UBQLN1: variants seen among roughly 807,000 people sequenced by gnomAD.
UBQLN1 encodes ubiquilin-1.
Under a neutral mutation model 65.4 loss-of-function variants are expected in UBQLN1, and 13 were observed. The observed-to-expected ratio is 0.20, with a 90% CI of 0.13 to 0.32. The LOEUF is 0.32. UBQLN1 is among the 10% of genes least tolerant of loss of function. UBQLN1 has a pLI of 1.00. For synonymous variants in UBQLN1, 267 were observed against 247.8 expected (o/e 1.08, Z -0.73); for missense variants, 561 against 724.0 (o/e 0.77, Z 2.58).
intron 1 of UBQLN1, among the ~76,000 whole-genome samples, chr9:83,697,200 G>T (rs1232865093): frequency 4.6e-5 from 7 of 150,550 alleles, no homozygotes; most frequent in Non-Finnish European, 1.0e-4. Flanking sequence ...CTTAATATGT[G>T]TATGAATTTG....
intron 1 of UBQLN1, among the ~76,000 whole-genome samples, chr9:83,702,748 G>T (rs1832332519): frequency 6.6e-6 from 1 of 151,528 alleles, no homozygotes; most frequent in Non-Finnish European, 1.5e-5. Flanking sequence ...GTATCAAAGT[G>T]GACAGTATAG....
intron 8 of UBQLN1, 84 bp from the exon 9 acceptor site, chr9:83,665,229 T>C (rs542666526): frequency 1.8e-5 from 19 of 1,047,538 alleles, no homozygotes; most frequent in East Asian, 5.1e-5. Context: ...GTTATGCTTC[T>C]GGAGAAAATC....
chr9:83,673,148 T>C (rs1177796878), intron 6 of UBQLN1, among the ~76,000 whole-genome samples: 8 of 152,078 alleles, frequency 5.3e-5, no homozygotes, highest in Admixed American at 5.2e-4. Context: ...GAGAATCGTT[T>C]GAACCCAGGA....
rs147421462 is a variant in UBQLN1 at position 83,691,031 on chromosome 9, G to A, written c.181-4876C>T. Reference sequence around the variant, plus strand: ...CACACACCTGCAATCCCAGCTACTCGGGAGGCTAAGGCACGAGAATCACTT... The same window carrying A: ...CACACACCTGCAATCCCAGCTACTCAGGAGGCTAAGGCACGAGAATCACTT... On this transcript the variant is annotated intron_variant, in intron 1 of 10. Transcript: ENST00000376395. Among the ~76,000 whole-genome samples, 91 of 151,924 alleles carry A rather than the reference G, an allele frequency of 6.0e-4. No individual in the cohort carries two copies. In the East Asian group the frequency reaches 0.013, roughly 21 times the overall value.
chr9:83,682,963 G>A lies in UBQLN1; in HGVS notation c.436C>T (p.Pro146Ser), dbSNP rs764444397. 1.2e-6 allele frequency: 2 copies of A among 1,607,942 alleles called. No homozygotes were observed. The highest frequency in any genetic ancestry group is 1.7e-5 in the Admixed American group (1 of 59,876). ...TAAAGACACTTACCTAAACCAAAAG[G>A]GTTGCTAGTAGCAGAACCAGATGTA... Reference protein sequence around the residue: ...NSTSGSATSNPFGLGGLGGLA... With the variant: ...NSTSGSATSNSFGLGGLGGLA... The change falls in exon 3 of 11, where the codon CCT becomes TCT. Residue 146 changes from proline (P) to serine (S), a missense_variant. By Grantham distance (74) the Pro-to-Ser change is moderately conservative. Around this residue, in one of 8 missense-constraint regions of UBQLN1, gnomAD observed 87 missense variants for 88.8 expected, o/e 0.98. Transcript: ENST00000376395.
intron 7 of UBQLN1, 190 bp from the exon 8 acceptor site, chr9:83,666,623 A>G: frequency 2.0e-6 from 1 of 500,574 alleles, no homozygotes; most frequent in Non-Finnish European, 3.6e-6. Flanking sequence ...AAACAAAAAA[A>G]TGAGGCATAT....
intron 3 of UBQLN1, 60 bp from the exon 4 acceptor site, chr9:83,680,097 A>G (rs910228882): frequency 1.6e-5 from 25 of 1,523,892 alleles, no homozygotes; most frequent in Non-Finnish European, 2.1e-5. Context: ...CATTAACATG[A>G]CATAAAATAT....
At chr9:83,663,070 G>GAA (rs568998289) in intron 10 of UBQLN1, among the ~76,000 whole-genome samples, 36,371 of 106,110 alleles carry the variant, frequency 0.34, 5,659 homozygotes, top group East Asian at 0.78. Flanking sequence ...GAAAGGGAAA[G>GAA]AAAAAAAAAA....
chr9:83,680,986 T>G (rs1270479190), intron 3 of UBQLN1, among the ~76,000 whole-genome samples: 1 of 152,298 alleles, frequency 6.6e-6, no homozygotes, highest in East Asian at 1.9e-4. Flanking sequence ...AATTGGCTGG[T>G]GTCAGAAAAA....
chr9:83,694,405 T>TA (rs1587659264), intron 1 of UBQLN1, among the ~76,000 whole-genome samples: 1 of 152,308 alleles, frequency 6.6e-6, no homozygotes, highest in African/African-American at 2.4e-5. Flanking sequence ...ATCATCCATA[T>TA]ACATGGTTCT....
chr9:83,682,918 C>A, intron 3 of UBQLN1, 33 bp downstream of exon 3: 1 of 1,276,250 alleles, frequency 7.8e-7, no homozygotes, highest in Non-Finnish European at 1.1e-6. Context: ...AGTATTTTTT[C>A]CCATCCCTAC....
intron 1 of UBQLN1, among the ~76,000 whole-genome samples, chr9:83,696,137 A>T (rs6559739): frequency 6.6e-6 from 1 of 151,966 alleles, no homozygotes; most frequent in Non-Finnish European, 1.5e-5. Context: ...ACAGGGTTTC[A>T]CCATGTTGGC....
At chr9:83,675,986 A>T (rs933722894) in intron 6 of UBQLN1, among the ~76,000 whole-genome samples, 2 of 149,680 alleles carry the variant, frequency 1.3e-5, no homozygotes, top group Non-Finnish European at 3.0e-5. Flanking sequence ...CTCTTGATGT[A>T]ATACATTCTC....
intron 4 of UBQLN1, 30 bp from the exon 5 acceptor site, chr9:83,678,629 A>G (rs1831884203): frequency 6.3e-7 from 1 of 1,587,574 alleles, no homozygotes; most frequent in East Asian, 2.2e-5. Flanking sequence ...AAAAAGAAAA[A>G]AAAAAGGCAT....
intron 6 of UBQLN1, among the ~76,000 whole-genome samples, chr9:83,671,710 A>G (rs1028180038): frequency 6.6e-6 from 1 of 152,182 alleles, no homozygotes; most frequent in East Asian, 1.9e-4. Context: ...CATAGGCAGA[A>G]TAGATCTAGC....
chr9:83,664,870 A>C (rs1009276478), intron 9 of UBQLN1, among the ~76,000 whole-genome samples, 160 bp downstream of exon 9: 2 of 149,476 alleles, frequency 1.3e-5, no homozygotes, highest in African/African-American at 5.0e-5. Context: ...AGTGAGCCAC[A>C]ACTGCGCCCC....
chr9:83,701,077 A>G (rs1049288144), intron 1 of UBQLN1, among the ~76,000 whole-genome samples: 4 of 152,202 alleles, frequency 2.6e-5, no homozygotes, highest in Non-Finnish European at 4.4e-5. Context: ...ACGCCACCAC[A>G]GAAATTTTTG....
intron 1 of UBQLN1, among the ~76,000 whole-genome samples, chr9:83,696,402 C>T (rs1468331545): frequency 1.3e-5 from 2 of 151,966 alleles, no homozygotes; most frequent in Non-Finnish European, 2.9e-5. Flanking sequence ...TAAAATATTC[C>T]TAAGACCAGC....
At chr9:83,663,156 G>T (rs1165737826) in intron 10 of UBQLN1, among the ~76,000 whole-genome samples, 1 of 151,090 alleles carries the variant, frequency 6.6e-6, no homozygotes, top group Admixed American at 6.6e-5. Context: ...AGGGAAAGGG[G>T]AAGAGGAAGG....
Sources: allele counts gnomAD v4.1 joint callset (sites outside exome capture counted in the v4.1 genomes callset), GRCh38; gene constraint gnomAD v4.1.1; regional missense constraint gnomAD v4.1.1; transcripts MANE v1.5; gene names NCBI Gene and HGNC (gene_info 2026-07-23, HGNC 2026-07-21).